The following MTMR7 variants were observed in gnomAD, a reference collection of about 807,000 sequenced individuals.
The protein encoded by MTMR7 is myotubularin related protein 7.
Under a neutral mutation model 81.2 loss-of-function variants are expected in MTMR7, and 76 were observed. That is an observed-to-expected ratio of 0.94 (90% CI 0.78 to 1.13). MTMR7 has a LOEUF of 1.13. MTMR7 is among the 50% of genes most tolerant of loss of function. The pLI is 0.00. For synonymous variants in MTMR7, 372 were observed against 289.8 expected (o/e 1.28, Z -2.88); for missense variants, 1,044 against 820.0 (o/e 1.27, Z -3.34).
chr8:17,311,589 G>T lies in MTMR7; in HGVS notation c.1023C>A (p.Gly341=). The T allele has an allele frequency of 1.2e-6, 2 of 1,614,102 alleles. No individual in the cohort carries two copies. The highest frequency in any genetic ancestry group is 1.7e-6 in the Non-Finnish European group (2 of 1,180,026). Residue 341 remains glycine, a synonymous_variant, in exon 9 of 14, where the codon GGC becomes GGA. Transcript: ENST00000180173. ...AGCACACCTGAGCGGTCCTGTCCCA[G>T]CCATCAGAACAGTGAACAAGCACAC... is the stretch of plus-strand genomic sequence containing the variant. ...GASVLVHCSD[G]WDRTAQVCSV... is the part of the protein sequence containing the mutation.
Position 17,304,499 on chromosome 8 carries a change from G to T in MTMR7, c.1373C>A (p.Ser458Ter). ...ATTCTTCCACAGGTGAGCCCATAAT[G>T]AGTATGTTCTTTCTTGAATCCTGTT... ...RELKIQERTY[S>*]LWAHLWKNRA... The change falls in exon 12 of 14, where the codon TCA becomes TAA. Residue 458 changes from serine to a stop codon, truncating the protein, a stop_gained. Coordinates refer to ENST00000180173, the MANE Select transcript of MTMR7 (RefSeq NM_004686.5). LOFTEE classifies it high-confidence loss of function. 1 of 1,613,664 alleles carries T rather than the reference G, an allele frequency of 6.2e-7. No homozygotes were observed.
intron 1 of MTMR7, among the ~76,000 whole-genome samples, chr8:17,374,486 T>C (rs993543537): frequency 6.6e-6 from 1 of 151,926 alleles, no homozygotes. Context: ...CCGGGTGTGT[T>C]GGTGGGTGCC....
At chr8:17,322,099 C>T (rs1358022204) in intron 7 of MTMR7, among the ~76,000 whole-genome samples, 1 of 150,770 alleles carries the variant, frequency 6.6e-6, no homozygotes, top group African/African-American at 2.5e-5. Context: ...ACAGCCCTCC[C>T]TTGATTACCA....
intron 1 of MTMR7, among the ~76,000 whole-genome samples, chr8:17,381,654 T>C (rs1056101367): frequency 6.6e-6 from 1 of 152,054 alleles, no homozygotes; most frequent in Non-Finnish European, 1.5e-5. Context: ...CTCAAAACCA[T>C]ATAAATCAGG....
chr8:17,361,084 T>G (rs1189151358), intron 4 of MTMR7, 33 bp downstream of exon 4: 1 of 1,611,752 alleles, frequency 6.2e-7, no homozygotes, highest in Admixed American at 1.7e-5. Context: ...CCTAATTTCA[T>G]GCGGCTTCAG....
Position 17,371,041 on chromosome 8 carries a change from C to G in MTMR7, c.306G>C (p.Arg102Ser), listed in dbSNP as rs145542104. The G allele has an allele frequency of 1.6e-5, 25 of 1,612,160 alleles. No homozygotes were observed. The highest frequency in any genetic ancestry group is 2.1e-5 in the Non-Finnish European group (25 of 1,179,186). The change falls in exon 3 of 14, where the codon AGG (arginine) becomes AGC (serine). Residue 102 changes from arginine to serine, a missense_variant. Arg to Ser is a moderately radical substitution (Grantham distance 110). Coordinates refer to ENST00000180173, the MANE Select transcript of MTMR7 (RefSeq NM_004686.5). ...DVYISLIRLA[R>S]PVKYEELYCF... ...TGCCGAGTTCCTCTGCCCTACCTGG[C>G]CTTGCAAGGCGTATCAGGGAGATGT...
intron 7 of MTMR7, among the ~76,000 whole-genome samples, chr8:17,322,651 C>T (rs1818454193): frequency 6.6e-6 from 1 of 152,048 alleles, no homozygotes; most frequent in Non-Finnish European, 1.5e-5. Context: ...AAGACCCCAT[C>T]TCTACAAAAA....
At chr8:17,401,257 A>C (rs1270070535) in intron 1 of MTMR7, among the ~76,000 whole-genome samples, 1 of 152,180 alleles carries the variant, frequency 6.6e-6, no homozygotes, top group African/African-American at 2.4e-5. Flanking sequence ...ATAACATTTG[A>C]GCAAAGATCT....
At chr8:17,337,221 C>T (rs1257741560) in intron 6 of MTMR7, among the ~76,000 whole-genome samples, 2 of 151,850 alleles carry the variant, frequency 1.3e-5, no homozygotes, top group Admixed American at 6.6e-5. Context: ...AAAAATTAGC[C>T]GGGCGTGGTG....
At chr8:17,332,194 G>C (rs1022569194) in intron 6 of MTMR7, among the ~76,000 whole-genome samples, 2 of 151,310 alleles carry the variant, frequency 1.3e-5, no homozygotes, top group Admixed American at 1.3e-4. Context: ...AACCCAGGCA[G>C]AGAACCTACA....
At chr8:17,346,539 C>A (rs942742526) in intron 5 of MTMR7, among the ~76,000 whole-genome samples, 3 of 152,110 alleles carry the variant, frequency 2.0e-5, no homozygotes, top group African/African-American at 2.4e-5. Flanking sequence ...TGAGGTCAGC[C>A]GGGGAAGAAG....
chr8:17,302,379 A>G, intron 12 of MTMR7, 99 bp from the exon 13 acceptor site: 5 of 1,325,600 alleles, frequency 3.8e-6, no homozygotes, highest in Non-Finnish European at 5.1e-6. Flanking sequence ...CAGTCTTAAT[A>G]ATAACCAAAT....
rs1026998072 is a variant in MTMR7 at position 17,298,236 on chromosome 8, A to G, written c.*1626T>C. Reference sequence around the variant, plus strand: ...GTTTTATTTTAGCAAGGTATTCCCTATTACATATAGTATATTGCAGAAAAT... The same window carrying G: ...GTTTTATTTTAGCAAGGTATTCCCTGTTACATATAGTATATTGCAGAAAAT... On this transcript the variant is annotated 3_prime_UTR_variant, in exon 14 of 14. Coordinates refer to ENST00000180173, the MANE Select transcript of MTMR7 (RefSeq NM_004686.5). 4 of 152,088 alleles carry G rather than the reference A, an allele frequency of 2.6e-5. No individual in the cohort carries two copies. The highest frequency in any genetic ancestry group is 9.6e-5 in the African/African-American group (4 of 41,466). 9.4% of individuals were successfully genotyped at this position (152,088 alleles called of 1,614,324 possible).
At chr8:17,403,496 G>A (rs2150585153) in intron 1 of MTMR7, among the ~76,000 whole-genome samples, 1 of 151,860 alleles carries the variant, frequency 6.6e-6, no homozygotes, top group South Asian at 2.1e-4. Flanking sequence ...AGTATAATTT[G>A]AAGTCAGGTA....
chr8:17,356,898 T>G (rs887075705), intron 4 of MTMR7, among the ~76,000 whole-genome samples: 4 of 152,116 alleles, frequency 2.6e-5, no homozygotes, highest in Non-Finnish European at 5.9e-5. Context: ...CAGGCCAATA[T>G]GTCCACGCAA....
chr8:17,381,402 G>A (rs1820757160), intron 1 of MTMR7, among the ~76,000 whole-genome samples: 1 of 151,984 alleles, frequency 6.6e-6, no homozygotes, highest in Non-Finnish European at 1.5e-5. Flanking sequence ...CCTTTCTTCA[G>A]TGATCCTCTA....
chr8:17,306,028 A>C (rs1415439247), intron 10 of MTMR7, 71 bp from the exon 11 acceptor site: 124 of 1,309,552 alleles, frequency 9.5e-5, no homozygotes, highest in Non-Finnish European at 1.3e-4. Flanking sequence ...AAATGCAAAA[A>C]CAACCATAAA....
rs553832625 is a variant in MTMR7 at position 17,316,847 on chromosome 8, T to C, written c.866-3446A>G. Among the ~76,000 whole-genome samples, 27 of 152,204 alleles carry C rather than the reference T, an allele frequency of 1.8e-4. 1 individual carries two copies. The highest frequency in any genetic ancestry group is 7.2e-4 in the Admixed American group (11 of 15,286). ...GTAAGGGACTTCTGCGTGTGTGGAT[T>C]TGAGAATCTATGGGGGCTGGGGTGG... On this transcript the variant is annotated intron_variant, in intron 7 of 13. Transcript: ENST00000180173.
intron 1 of MTMR7, among the ~76,000 whole-genome samples, chr8:17,377,109 ATGC>A: frequency 6.6e-6 from 1 of 152,154 alleles, no homozygotes; most frequent in South Asian, 2.1e-4. Context: ...TAGCCTATTC[ATGC>A]TGCTGTTATC....
Sources: allele counts gnomAD v4.1 joint callset (sites outside exome capture counted in the v4.1 genomes callset), GRCh38; gene constraint gnomAD v4.1.1; transcripts MANE v1.5; gene names NCBI Gene and HGNC (gene_info 2026-07-23, HGNC 2026-07-21).